The following HBP1 variants were observed in gnomAD, a reference collection of about 807,000 sequenced individuals.
HBP1 encodes the protein HMG box-containing protein 1.
A neutral mutation model predicts 62.6 loss-of-function variants in HBP1; 20 were observed. The ratio of observed to expected loss-of-function variants is 0.32; its 90% CI spans 0.22 to 0.46. HBP1 has a LOEUF of 0.46. Among genes scored for constraint, HBP1 ranks in the 20% least tolerant of loss-of-function variants. The probability of loss-of-function intolerance (pLI) is 1.00; values close to 1 mark genes in which losing one functional copy is unlikely to be tolerated. For synonymous variants in HBP1, 232 were observed against 206.2 expected (o/e 1.12, Z -1.07); for missense variants, 480 against 611.8 (o/e 0.78, Z 2.27).
chr7:107,180,147 C>A, intron 2 of HBP1, 85 bp downstream of exon 2: 1 of 762,090 alleles, frequency 1.3e-6, no homozygotes, highest in Non-Finnish European at 2.2e-6. Flanking sequence ...CCAACCTTGA[C>A]TGGCTAGAAA....
intron 6 of HBP1, among the ~76,000 whole-genome samples, chr7:107,188,642 T>G (rs746787726): frequency 2.0e-5 from 3 of 152,196 alleles, no homozygotes; most frequent in Non-Finnish European, 4.4e-5. Context: ...TTTTTCTGGT[T>G]CTATTACTAT....
intron 1 of HBP1, among the ~76,000 whole-genome samples, chr7:107,177,790 CAAAATGTA>C (rs990340703): frequency 2.0e-5 from 3 of 152,080 alleles, no homozygotes; most frequent in African/African-American, 4.8e-5. Context: ...TGTAATACAT[CAAAATGTA>C]AAAATATCTA....
chr7:107,175,485 CTAAA>C lies in HBP1; in HGVS notation c.-15-4383_-15-4380del, dbSNP rs528542669. ...GATTTCAGAGCCCCTATTCTTGTCT[CTAAA>C]TAAATAAATAGTTTTCCTAAACTAC... On this transcript the variant is annotated intron_variant, in intron 1 of 10. Coordinates refer to ENST00000222574, the MANE Select transcript of HBP1 (RefSeq NM_012257.4). 5.1e-3 allele frequency among the ~76,000 whole-genome samples: 779 copies of C among 152,206 alleles called. 2 individuals are homozygous for C. The highest frequency in any genetic ancestry group is 8.8e-3 in the Non-Finnish European group (600 of 68,004).
intron 1 of HBP1, among the ~76,000 whole-genome samples, chr7:107,171,316 C>T (rs1274252034): frequency 1.3e-5 from 2 of 151,074 alleles, no homozygotes; most frequent in Non-Finnish European, 2.9e-5. Context: ...GTGATCTGCC[C>T]GCCTCGGCCT....
chr7:107,200,186 G>A lies in HBP1; in HGVS notation c.1412G>A (p.Arg471Lys), dbSNP rs982789084. Residue 471 changes from arginine to lysine, a missense_variant, in exon 10 of 11, where the codon AGG becomes AAG. Arg to Lys is a conservative substitution (Grantham distance 26, BLOSUM62 2). Around this residue, in one of 4 missense-constraint regions of HBP1, gnomAD observed 52 missense variants for 96.0 expected, o/e 0.54. Transcript: ENST00000222574. Reference protein sequence around the residue: ...NRAISVILGDRWKKMKNEERR... With the variant: ...NRAISVILGDKWKKMKNEERR... ...GCCATAAGTGTGATCCTTGGTGACA[G>A]GTGGAAGAAAATGAAGAATGAAGAG... 1.2e-5 allele frequency: 20 copies of A among 1,606,438 alleles called. No individual in the cohort carries two copies. Among genetic ancestry groups the A allele is most frequent in the Non-Finnish European group, 1.6e-5 (19 of 1,176,006 alleles).
At chr7:107,199,089 T>C (rs1297313575) in intron 9 of HBP1, among the ~76,000 whole-genome samples, 1 of 152,138 alleles carries the variant, frequency 6.6e-6, no homozygotes. Flanking sequence ...GGTTATCATT[T>C]TATTATTTAT....
Position 107,195,881 on chromosome 7 carries a change from G to A in HBP1, c.1115G>A (p.Ser372Asn). Residue 372 changes from serine to asparagine, a missense_variant, in exon 9 of 11, where the codon AGT becomes AAT. Ser to Asn is a conservative substitution (Grantham distance 46). Transcript: ENST00000222574. ...MDSSAVYVLS[S>N]MARQRRASLS... is the part of the protein sequence containing the mutation. ...TCTTCTGCAGTTTATGTGTTAAGTA[G>A]TATGGCTCGCCAGCGTCGTGCATCT... is the stretch of plus-strand genomic sequence containing the variant. 6.2e-7 allele frequency: 1 copy of A among 1,612,778 alleles called. No homozygotes were observed. Among genetic ancestry groups the A allele is most frequent in the South Asian group, 1.1e-5 (1 of 91,058 alleles).
intron 8 of HBP1, 30 bp downstream of exon 8, chr7:107,190,347 T>C: frequency 6.5e-7 from 1 of 1,535,256 alleles, no homozygotes; most frequent in Non-Finnish European, 9.0e-7. Context: ...TTGTTTTATT[T>C]TCCTCTTAAA....
chr7:107,189,349 G>C lies in HBP1; in HGVS notation c.823G>C (p.Glu275Gln). 2 of 1,612,642 alleles carry C rather than the reference G, an allele frequency of 1.2e-6. No homozygotes were observed. Among genetic ancestry groups the C allele is most frequent in the Non-Finnish European group, 1.7e-6 (2 of 1,178,768 alleles). ...LSHEESVSFGESVLKLTFDPG... is the reference protein window; with the variant it reads ...LSHEESVSFGQSVLKLTFDPG... ...ACATGAAGAAAGTGTATCATTTGGC[G>C]AGTCTGTACTGAAGTTGACTTTTGA... Residue 275 changes from glutamate to glutamine, a missense_variant, in exon 7 of 11, where the codon GAG (glutamate) becomes CAG (glutamine). Glu to Gln is a conservative substitution (Grantham distance 29). Transcript: ENST00000222574.
intron 9 of HBP1, among the ~76,000 whole-genome samples, chr7:107,198,102 G>A (rs1461423558): frequency 6.6e-6 from 1 of 152,106 alleles, no homozygotes; most frequent in Non-Finnish European, 1.5e-5. Context: ...TGGGGAACTG[G>A]ACTATCCTGA....
At chr7:107,171,067 A>ATATATATATTT (rs1554380400) in intron 1 of HBP1, among the ~76,000 whole-genome samples, 1 of 66,680 alleles carries the variant, frequency 1.5e-5, no homozygotes, top group Non-Finnish European at 2.4e-5. Flanking sequence ...ATATATATAT[A>ATATATATATTT]TATATATTTT....
At chr7:107,199,611 G>A (rs1211029166) in intron 9 of HBP1, among the ~76,000 whole-genome samples, 2 of 152,208 alleles carry the variant, frequency 1.3e-5, no homozygotes, top group East Asian at 3.9e-4. Context: ...GTGAATGGCT[G>A]AAAGCTCTTC....
In HBP1 at chr7:107,171,770, G is replaced by T. The variant is rs187789021; in HGVS notation, c.-16+2585G>T. On this transcript the variant is annotated intron_variant, in intron 1 of 10. Transcript: ENST00000222574. ...AGCTGCTTGGGAGGCTGAGGCAAGG[G>T]AATCGCTTGAACCCGGGAGGCAGAG... Among the ~76,000 whole-genome samples, 854 of 149,178 alleles carry T rather than the reference G, an allele frequency of 5.7e-3. 6 individuals are homozygous for T. The highest frequency in any genetic ancestry group is 0.021 in the Middle Eastern group (6 of 286).
chr7:107,174,447 G>C (rs1201661822), intron 1 of HBP1: 1 of 983,830 alleles, frequency 1.0e-6, no homozygotes. Context: ...CTTCATTTAA[G>C]GAGTTTTGGG....
chr7:107,188,031 T>C (rs552757376), intron 6 of HBP1, among the ~76,000 whole-genome samples: 71 of 152,348 alleles, frequency 4.7e-4, no homozygotes, highest in African/African-American at 1.6e-3. Context: ...CCAGCAATTA[T>C]CTGTGTTACT....
chr7:107,189,959 T>C (rs1207569885), intron 7 of HBP1: 1 of 412,778 alleles, frequency 2.4e-6, no homozygotes, highest in Non-Finnish European at 4.3e-6. Context: ...TATAATAAAA[T>C]GCTGAACAAT....
intron 9 of HBP1, among the ~76,000 whole-genome samples, chr7:107,198,469 C>CAA (rs1056228970): frequency 5.3e-5 from 8 of 152,122 alleles, no homozygotes; most frequent in African/African-American, 1.7e-4. Context: ...CTCTGCCTCC[C>CAA]AAAGTGCTGG....
At chr7:107,186,963 T>C (rs1584491323) in intron 6 of HBP1, among the ~76,000 whole-genome samples, 1 of 152,150 alleles carries the variant, frequency 6.6e-6, no homozygotes, top group Non-Finnish European at 1.5e-5. Context: ...ATTAAAAATA[T>C]GTAATGAGGT....
chr7:107,174,335 A>G, intron 1 of HBP1: 2 of 361,962 alleles, frequency 5.5e-6, no homozygotes, highest in Non-Finnish European at 3.8e-6. Flanking sequence ...GAGCAATGAG[A>G]GGTGTGAACA....
Sources: gnomAD v4.1 joint callset for allele counts (sites outside exome capture counted in the v4.1 genomes callset) on GRCh38, gnomAD v4.1.1 for gene constraint, gnomAD v4.1.1 regional missense constraint, MANE v1.5 for transcripts, NCBI Gene and HGNC (gene_info 2026-07-23, HGNC 2026-07-21) for gene names.